KCNH8: variants seen among roughly 807,000 people sequenced by gnomAD.
KCNH8 encodes potassium voltage-gated channel subfamily H member 8.
A neutral mutation model predicts 103.6 loss-of-function variants in KCNH8; 70 were observed. The observed-to-expected ratio is 0.68, with a 90% CI of 0.56 to 0.82. KCNH8 has a LOEUF of 0.82. Among genes scored for constraint, KCNH8 ranks in the 40% least tolerant of loss-of-function variants. KCNH8 has a pLI of 0.00. For missense variants in KCNH8, 1,217 were observed against 1,329.9 expected, an observed-to-expected ratio of 0.92 and a Z score of 1.32; for synonymous variants, 498 against 489.4, an observed-to-expected ratio of 1.02 and a Z score of -0.23.
At chr3:19,156,577 C>T (rs959894793) in intron 1 of KCNH8, among the ~76,000 whole-genome samples, 2 of 152,140 alleles carry the variant, frequency 1.3e-5, no homozygotes, top group African/African-American at 4.8e-5. Context: ...TAAATGCATT[C>T]ACTGTGCAAA....
intron 11 of KCNH8, among the ~76,000 whole-genome samples, chr3:19,498,378 T>C (rs2068492780): frequency 6.6e-6 from 1 of 151,846 alleles, no homozygotes; most frequent in African/African-American, 2.4e-5. Flanking sequence ...GGTATGTTTG[T>C]TTGTTTGTTT....
chr3:19,184,570 A>G (rs958441227), intron 1 of KCNH8, among the ~76,000 whole-genome samples: 13 of 152,026 alleles, frequency 8.6e-5, no homozygotes, highest in Admixed American at 8.5e-4. Flanking sequence ...ACGAATGATA[A>G]TGATATTTCG....
chr3:19,198,351 A>G (rs1206593153), intron 1 of KCNH8, among the ~76,000 whole-genome samples: 3 of 152,058 alleles, frequency 2.0e-5, no homozygotes, highest in African/African-American at 2.4e-5. Flanking sequence ...AAAATGGGGT[A>G]TTATTCCAAC....
intron 3 of KCNH8, among the ~76,000 whole-genome samples, chr3:19,306,477 C>T (rs1261923277): frequency 6.6e-6 from 1 of 152,032 alleles, no homozygotes; most frequent in African/African-American, 2.4e-5. Context: ...GAGAAAGAGT[C>T]GATGTTCAAT....
chr3:19,409,091 A>G (rs907579451), intron 7 of KCNH8, among the ~76,000 whole-genome samples: 2 of 151,972 alleles, frequency 1.3e-5, no homozygotes, highest in Admixed American at 6.6e-5. Flanking sequence ...GGTCAGCACT[A>G]TAGAAAAAAA....
At chr3:19,501,003 G>A (rs942964601) in intron 11 of KCNH8, among the ~76,000 whole-genome samples, 2 of 151,518 alleles carry the variant, frequency 1.3e-5, no homozygotes, top group African/African-American at 2.4e-5. Flanking sequence ...TTTTTTGAAA[G>A]GATCAACAAA....
In KCNH8 at chr3:19,395,119, CT is replaced by C; in HGVS notation, c.987del (p.Leu330Ter). 6.2e-7 allele frequency: 1 copy of C among 1,611,754 alleles called. No homozygotes were observed. The highest frequency in any genetic ancestry group is 8.5e-7 in the Non-Finnish European group (1 of 1,178,938). Reference sequence around the variant, plus strand: ...CTTACCACAGGTGTCTCTCGTGCATCTTCTAAAGACAGTGCGCCTCTTGCGT... The same window carrying C: ...CTTACCACAGGTGTCTCTCGTGCATCTCTAAAGACAGTGCGCCTCTTGCGT... The part of the protein sequence containing the change: ...FNVTVVSLVH[L>X]LKTVRLLRLL... On this transcript the variant is annotated frameshift_variant, in exon 7 of 16. Coordinates refer to ENST00000328405, the MANE Select transcript of KCNH8 (RefSeq NM_144633.3). LOFTEE classifies it high-confidence loss of function.
At chr3:19,231,954 G>A (rs1575454232) in intron 1 of KCNH8, among the ~76,000 whole-genome samples, 1 of 152,176 alleles carries the variant, frequency 6.6e-6, no homozygotes, top group Non-Finnish European at 1.5e-5. Flanking sequence ...ATTGCCGCGA[G>A]TTTTGAGACC....
chr3:19,156,501 G>C (rs2063182308), intron 1 of KCNH8, among the ~76,000 whole-genome samples: 1 of 152,060 alleles, frequency 6.6e-6, no homozygotes, highest in Admixed American at 6.6e-5. Flanking sequence ...GATATATTAT[G>C]CTTTAAATAC....
At chr3:19,235,332 A>G (rs952652942) in intron 1 of KCNH8, among the ~76,000 whole-genome samples, 12 of 152,138 alleles carry the variant, frequency 7.9e-5, no homozygotes, top group African/African-American at 2.9e-4. Context: ...CACATAAAAG[A>G]TTTTTAAATG....
At chr3:19,258,613 C>T (rs1408419446) in intron 2 of KCNH8, among the ~76,000 whole-genome samples, 2 of 151,718 alleles carry the variant, frequency 1.3e-5, no homozygotes, top group African/African-American at 4.8e-5. Context: ...GATTTATTTC[C>T]CACTGAATTT....
At chr3:19,403,549 C>T (rs2066647899) in intron 7 of KCNH8, among the ~76,000 whole-genome samples, 2 of 150,790 alleles carry the variant, frequency 1.3e-5, no homozygotes, top group African/African-American at 4.8e-5. Flanking sequence ...ACTACCCATA[C>T]AGGTATAAGG....
intron 1 of KCNH8, among the ~76,000 whole-genome samples, chr3:19,189,011 C>G (rs1413738209): frequency 6.6e-6 from 1 of 151,830 alleles, no homozygotes; most frequent in Non-Finnish European, 1.5e-5. Flanking sequence ...TAGCCGTAAC[C>G]CATATATATA....
intron 1 of KCNH8, among the ~76,000 whole-genome samples, chr3:19,151,307 G>A (rs2063127242): frequency 6.6e-6 from 1 of 151,874 alleles, no homozygotes; most frequent in South Asian, 2.1e-4. Context: ...TTACAAAATT[G>A]CCACCTACTC....
intron 1 of KCNH8, among the ~76,000 whole-genome samples, chr3:19,188,403 G>A (rs967838543): frequency 7.2e-5 from 11 of 151,956 alleles, no homozygotes; most frequent in African/African-American, 1.2e-4. Context: ...CAGTTGTAGC[G>A]TGAAAGCAAC....
At chr3:19,394,059 C>G (rs2066477936) in intron 6 of KCNH8, among the ~76,000 whole-genome samples, 4 of 151,910 alleles carry the variant, frequency 2.6e-5, no homozygotes, top group Admixed American at 2.6e-4. Flanking sequence ...AATACAAAAG[C>G]AAACTCCCAG....
intron 7 of KCNH8, among the ~76,000 whole-genome samples, chr3:19,404,020 A>G (rs1171950574): frequency 1.3e-5 from 2 of 151,940 alleles, no homozygotes; most frequent in Non-Finnish European, 2.9e-5. Flanking sequence ...GTCAATTGTA[A>G]ATGTATTTTC....
chr3:19,191,253 G>T (rs75173080), intron 1 of KCNH8, among the ~76,000 whole-genome samples: 7,520 of 151,698 alleles, frequency 0.05, 675 homozygotes, highest in African/African-American at 0.17. Context: ...ATTCTTTAAC[G>T]TTCCTGCTAA....
At chr3:19,497,526 T>C (rs1305947557) in intron 11 of KCNH8, among the ~76,000 whole-genome samples, 2 of 152,156 alleles carry the variant, frequency 1.3e-5, no homozygotes, top group Non-Finnish European at 2.9e-5. Flanking sequence ...GCAGGTTGTT[T>C]AATTTCCATG....
Sources: allele counts gnomAD v4.1 joint callset (sites outside exome capture counted in the v4.1 genomes callset), GRCh38; gene constraint gnomAD v4.1.1; transcripts MANE v1.5; gene names NCBI Gene and HGNC (gene_info 2026-07-23, HGNC 2026-07-21).